CXCL12: variants seen among roughly 807,000 people sequenced by gnomAD.
CXCL12 encodes stromal cell-derived factor 1.
In CXCL12, 4 loss-of-function variants were observed where a neutral mutation model predicts 10.7. The observed-to-expected ratio is 0.37, with a 90% CI of 0.18 to 0.86. The LOEUF (loss-of-function observed/expected upper bound fraction) is 0.86. CXCL12 is among the 40% of genes least tolerant of loss of function. The pLI is 0.43. For missense variants in CXCL12, 122 were observed against 110.4 expected, an observed-to-expected ratio of 1.10 and a Z score of -0.47; for synonymous variants, 54 against 45.4, an observed-to-expected ratio of 1.19 and a Z score of -0.77.
intron 1 of CXCL12, 35 bp from the exon 2 acceptor site, chr10:44,380,915 C>A: frequency 1.3e-6 from 2 of 1,575,680 alleles, no homozygotes; most frequent in Non-Finnish European, 1.7e-6. Flanking sequence ...CACTTTACTA[C>A]CCTGCCAGAT....
chr10:44,381,634 A>G (rs750552622), intron 1 of CXCL12, among the ~76,000 whole-genome samples: 1 of 152,254 alleles, frequency 6.6e-6, no homozygotes, highest in African/African-American at 2.4e-5. Flanking sequence ...ACAAAATGCC[A>G]TAATTGACAC....
Position 44,380,805 on chromosome 10 carries a change from T to A in CXCL12, c.137A>T (p.His46Leu), listed in dbSNP as rs144090586. ...ESHVARANVK[H>L]LKILNTPNCA... ...GTTTGGAGTGTTGAGAATTTTGAGA[T>A]GCTTGACGTTGGCTCTGGCAACATG... The change falls in exon 2 of 3, where the codon CAT (histidine) becomes CTT (leucine). Residue 46 changes from histidine to leucine, a missense_variant. His to Leu is a moderately conservative substitution (Grantham distance 99). Coordinates refer to ENST00000343575, the MANE Select transcript of CXCL12 (RefSeq NM_199168.4). The A allele has an allele frequency of 1.2e-6, 2 of 1,614,238 alleles. No individual in the cohort carries two copies. The highest frequency in any genetic ancestry group is 1.7e-6 in the Non-Finnish European group (2 of 1,180,046).
At position 44,380,965 on chromosome 10, in the gene CXCL12, G is replaced by A. The variant is rs1023131881; in HGVS notation, c.62-85C>T. Reference sequence around the variant, plus strand: ...TCTGGGCTGCAGCAGTTGGTGCAGCGATTAAGGATCAAGAGACGGCATCAC... The same window carrying A: ...TCTGGGCTGCAGCAGTTGGTGCAGCAATTAAGGATCAAGAGACGGCATCAC... On this transcript the variant is annotated intron_variant, in intron 1 of 2. Transcript: ENST00000343575. The A allele has an allele frequency of 1.7e-4, 187 of 1,077,104 alleles. 3 individuals carry two copies. Among genetic ancestry groups the A allele is most frequent in the South Asian group, 4.2e-4 (34 of 80,248 alleles). 66.7% of individuals were successfully genotyped at this position (1,077,104 alleles called of 1,614,324 possible). A position where few individuals can be genotyped will look rare whatever the true frequency, so the allele number is the denominator to read the frequency against.
rs1040912964 is a variant in CXCL12, at chr10:44,377,772, A to G, written c.*861T>C. On this transcript the variant is annotated 3_prime_UTR_variant, in exon 3 of 3. Transcript: ENST00000343575. Reference sequence around the variant, plus strand: ...CATTACACATCCCCAGGAGAGGGCCAGCTCCATTCTGGAGGAGGCCAAAGA... The same window carrying G: ...CATTACACATCCCCAGGAGAGGGCCGGCTCCATTCTGGAGGAGGCCAAAGA... 8 of 1,598,382 alleles carry G rather than the reference A, an allele frequency of 5.0e-6. No homozygotes were observed. The Middle Eastern group carries it at 5.0e-4, about 99-fold the overall frequency.
At chr10:44,384,846 G>C in intron 1 of CXCL12, 99 bp downstream of exon 1, 1 of 1,226,124 alleles carries the variant, frequency 8.2e-7, no homozygotes, top group South Asian at 1.4e-5. Context: ...TGTGTCGGGC[G>C]GCGCAAACTG....
At position 44,384,968 on chromosome 10, in the gene CXCL12, A is replaced by C; in HGVS notation, c.38T>G (p.Leu13Arg). ...AKVVVVLVLV[L>R]TALCLSDGKP... ...ACCGTCGCTGAGGCAGAGCGCGGTC[A>C]GCACGAGGACCAGCACGACCACGAC... The change falls in exon 1 of 3, where the codon CTG (leucine) becomes CGG (arginine). Residue 13 changes from leucine (L) to arginine (R), a missense_variant. Transcript: ENST00000343575. The C allele has an allele frequency of 1.5e-6, 2 of 1,310,278 alleles. No individual in the cohort carries two copies. Among genetic ancestry groups the C allele is most frequent in the Non-Finnish European group, 2.0e-6 (2 of 1,006,980 alleles). 81.2% of individuals were successfully genotyped at this position (1,310,278 alleles called of 1,614,324 possible). A position where few individuals can be genotyped will look rare whatever the true frequency, so the allele number is the denominator to read the frequency against.
intron 1 of CXCL12, 53 bp downstream of exon 1, chr10:44,384,892 G>T: frequency 2.0e-6 from 3 of 1,498,148 alleles, no homozygotes. Context: ...TCTGCGCCGG[G>T]CGGGAGCCGA....
At position 44,377,074 on chromosome 10, in the gene CXCL12, C is replaced by T. The variant is rs1839477300; in HGVS notation, c.*1559G>A. The T allele has an allele frequency of 1.0e-6, 1 of 985,548 alleles. No individual in the cohort carries two copies. The highest frequency in any genetic ancestry group is 1.2e-6 in the Non-Finnish European group (1 of 830,130). The allele number at this position is 985,548 out of a possible 1,614,324, so 61.1% of individuals were successfully genotyped here. A position where few individuals can be genotyped will look rare whatever the true frequency, so the allele number is the denominator to read the frequency against. On this transcript the variant is annotated 3_prime_UTR_variant, in exon 3 of 3. Transcript: ENST00000343575. The stretch of plus-strand genomic sequence containing the variant: ...CCAGAAACGTCTATAAGCTCCATCA[C>T]TAACAACTAATGAATTTTATTTCAG...
rs531737210 is a variant in CXCL12 at position 44,378,204 on chromosome 10, C to T, written c.*429G>A. ...CCTGTTAAGCCACCACCTGACTGTG[C>T]CCAGACTCCCCAGGGGAGCAGAGGA... On this transcript the variant is annotated 3_prime_UTR_variant, in exon 3 of 3. Transcript: ENST00000343575. The T allele has an allele frequency of 2.7e-5, 38 of 1,433,398 alleles. No homozygotes were observed. The highest frequency in any genetic ancestry group is 3.2e-5 in the Non-Finnish European group (35 of 1,083,500). The allele number at this position is 1,433,398 out of a possible 1,614,324, so 88.8% of individuals were successfully genotyped here.
At chr10:44,375,113 A>G (rs901649593), downstream of CXCL12, among the ~76,000 whole-genome samples, 1 of 152,178 alleles carries the variant, frequency 6.6e-6, no homozygotes, top group African/African-American at 2.4e-5. Context: ...ATCCCCAGGG[A>G]TTCAGGACCC....
At chr10:44,371,299 ATGTT>A, downstream of CXCL12, 1 of 441,928 alleles carries the variant, frequency 2.3e-6, no homozygotes. Context: ...ATTTAGGGTC[ATGTT>A]TGTTTCCTCA....
chr10:44,383,949 G>C (rs1394139942), intron 1 of CXCL12, among the ~76,000 whole-genome samples: 1 of 152,182 alleles, frequency 6.6e-6, no homozygotes, highest in Non-Finnish European at 1.5e-5. Flanking sequence ...TGAGCCACAG[G>C]GTTTTGTTTT....
Position 44,378,042 on chromosome 10 carries a change from T to C in CXCL12, c.*591A>G. 3 of 1,482,742 alleles carry C rather than the reference T, an allele frequency of 2.0e-6. No homozygotes were observed. Among genetic ancestry groups the C allele is most frequent in the South Asian group, 1.3e-5 (1 of 75,240 alleles). The allele number at this position is 1,482,742 out of a possible 1,614,324, so 91.8% of individuals were successfully genotyped here. ...ACATGGAGCCCACAGAGCCAATCAC[T>C]GAGGTTGAAAGAGGAGGTGAAGGCA... On this transcript the variant is annotated 3_prime_UTR_variant, in exon 3 of 3. Transcript: ENST00000343575.
chr10:44,379,996 G>A (rs539382154), intron 2 of CXCL12, among the ~76,000 whole-genome samples: 5 of 152,310 alleles, frequency 3.3e-5, no homozygotes, highest in East Asian at 1.9e-4. Flanking sequence ...TCCAACTGCT[G>A]TCTCCCCACC....
At chr10:44,384,124 T>C (rs947008297) in intron 1 of CXCL12, among the ~76,000 whole-genome samples, 1 of 152,172 alleles carries the variant, frequency 6.6e-6, no homozygotes, top group African/African-American at 2.4e-5. Context: ...GCTGCAGCTC[T>C]CATTCTGGGG....
downstream of CXCL12, chr10:44,372,119 G>A (rs1839330276): frequency 6.6e-6 from 1 of 152,288 alleles, no homozygotes; most frequent in Non-Finnish European, 1.5e-5. Flanking sequence ...AATTGGGAAA[G>A]AATCTTCATG....
At chr10:44,373,046 T>C, downstream of CXCL12, 3 of 1,535,958 alleles carry the variant, frequency 2.0e-6, no homozygotes, top group Non-Finnish European at 2.6e-6. Context: ...GTCAGAGGAG[T>C]GGCTCCGTGG....
chr10:44,376,644 G>A (rs192743735), downstream of CXCL12, among the ~76,000 whole-genome samples: 24 of 152,282 alleles, frequency 1.6e-4, no homozygotes, highest in Non-Finnish European at 3.1e-4. Flanking sequence ...CAACTGGCTC[G>A]TGACTGTCAC....
At chr10:44,374,101 C>T, downstream of CXCL12, 1 of 287,598 alleles carries the variant, frequency 3.5e-6, no homozygotes, top group Non-Finnish European at 6.9e-6. Context: ...GACATCAAGA[C>T]AGGACGGACC....
Sources: allele counts gnomAD v4.1 joint callset (sites outside exome capture counted in the v4.1 genomes callset), GRCh38; gene constraint gnomAD v4.1.1; transcripts MANE v1.5; gene names NCBI Gene and HGNC (gene_info 2026-07-23, HGNC 2026-07-21).